Variants in PRMT3 observed in about 807,000 individuals in gnomAD.
PRMT3 encodes the protein protein arginine N-methyltransferase 3.
PRMT3 carries 62 observed loss-of-function variants against 71.9 expected under a neutral mutation model. The ratio of observed to expected loss-of-function variants is 0.86; its 90% CI spans 0.70 to 1.07. The LOEUF (loss-of-function observed/expected upper bound fraction) is 1.07. Ranked by LOEUF, PRMT3 falls within the 50% of genes least tolerant of loss-of-function variation. The pLI, the probability that PRMT3 is intolerant of heterozygous loss-of-function variation, is 0.00. For missense variants in PRMT3, 663 were observed against 643.0 expected (o/e 1.03, Z -0.34); for synonymous variants, 213 against 220.4 (o/e 0.97, Z 0.30).
At chr11:20,420,566 G>T (rs563422554) in intron 9 of PRMT3, among the ~76,000 whole-genome samples, 1 of 152,144 alleles carries the variant, frequency 6.6e-6, no homozygotes, top group Admixed American at 6.5e-5. Context: ...TGTGAACTGC[G>T]TATGCGAGGG....
intron 6 of PRMT3, among the ~76,000 whole-genome samples, chr11:20,396,563 G>A (rs760568606): frequency 2.2e-4 from 33 of 152,054 alleles, no homozygotes; most frequent in Non-Finnish European, 3.7e-4. Flanking sequence ...GCTTGAATCC[G>A]GGAAGGGGAG....
chr11:20,477,679 C>A (rs1384543196), intron 13 of PRMT3, among the ~76,000 whole-genome samples: 1 of 152,002 alleles, frequency 6.6e-6, no homozygotes, highest in Non-Finnish European at 1.5e-5. Flanking sequence ...TCTTGAGGTA[C>A]CTGAAACAAA....
rs116096093 is a variant in PRMT3 at position 20,493,321 on chromosome 11, T to C, written c.1348-598T>C. On this transcript the variant is annotated intron_variant, in intron 13 of 15. Coordinates refer to ENST00000331079, the MANE Select transcript of PRMT3 (RefSeq NM_005788.4). ...TATTCATAGTACTTAAAAACAGATATACTGGACTAGAAGAAATTAAATGAA... is the reference window on the plus strand; with the variant it reads ...TATTCATAGTACTTAAAAACAGATACACTGGACTAGAAGAAATTAAATGAA... 9.6e-3 allele frequency among the ~76,000 whole-genome samples: 1,456 copies of C among 152,304 alleles called. 31 individuals carry two copies. The highest frequency in any genetic ancestry group is 0.034 in the African/African-American group (1,405 of 41,568).
chr11:20,412,521 A>G (rs570492972), intron 9 of PRMT3, among the ~76,000 whole-genome samples: 91 of 152,100 alleles, frequency 6.0e-4, no homozygotes, highest in Non-Finnish European at 1.1e-3. Flanking sequence ...CCGCGTCTAC[A>G]TTTATCAATT....
chr11:20,498,217 A>T (rs147680133), intron 15 of PRMT3, among the ~76,000 whole-genome samples: 1 of 152,272 alleles, frequency 6.6e-6, no homozygotes, highest in Non-Finnish European at 1.5e-5. Flanking sequence ...TAGTCCTTGG[A>T]AGAAGCTGAG....
intron 13 of PRMT3, among the ~76,000 whole-genome samples, chr11:20,481,653 AAT>A (rs1850939856): frequency 6.6e-6 from 1 of 152,128 alleles, no homozygotes; most frequent in African/African-American, 2.4e-5. Flanking sequence ...TCCTCTGCAG[AAT>A]ATGAGTACTA....
chr11:20,397,605 A>C lies in PRMT3; in HGVS notation c.589A>C (p.Thr197Pro). The stretch of plus-strand genomic sequence containing the variant: ...ATTTGCTCAGGATTTTGTGATGCAC[A>C]CAGATGTCAGAACCTGCTCGTCATC... ...KQFAQDFVMH[T>P]DVRTCSSSTS... is the part of the protein sequence containing the mutation. Residue 197 changes from threonine to proline, a missense_variant, in exon 7 of 16, where the codon ACA (threonine) becomes CCA (proline). Thr to Pro is a conservative substitution (Grantham distance 38, BLOSUM62 -1). Coordinates refer to ENST00000331079, the MANE Select transcript of PRMT3 (RefSeq NM_005788.4). The C allele has an allele frequency of 6.2e-7, 1 of 1,614,154 alleles. No homozygotes were observed. The highest frequency in any genetic ancestry group is 1.1e-5 in the South Asian group (1 of 91,086).
chr11:20,491,974 T>C (rs1466131826), intron 13 of PRMT3, among the ~76,000 whole-genome samples: 1 of 152,220 alleles, frequency 6.6e-6, no homozygotes, highest in African/African-American at 2.4e-5. Context: ...GACTATGTAA[T>C]AAAGCTAGCC....
chr11:20,389,743 G>C lies in PRMT3; in HGVS notation c.165-1G>C. The stretch of plus-strand genomic sequence containing the variant: ...CATGAAGCTATTGCTTGATTTTTCA[G>C]GTTATTCACATCTGCTGAAGAAACA... On this transcript the variant is annotated splice_acceptor_variant, in intron 2 of 15. Transcript: ENST00000331079. LOFTEE classifies it high-confidence loss of function. 6.2e-7 allele frequency: 1 copy of C among 1,603,022 alleles called. No individual in the cohort carries two copies. Among genetic ancestry groups the C allele is most frequent in the Non-Finnish European group, 8.5e-7 (1 of 1,171,140 alleles).
intron 10 of PRMT3, among the ~76,000 whole-genome samples, chr11:20,433,480 C>A (rs1213133719): frequency 6.6e-6 from 1 of 152,082 alleles, no homozygotes; most frequent in African/African-American, 2.4e-5. Flanking sequence ...AGGTTGATTC[C>A]AATTCCGTAT....
In PRMT3 at chr11:20,436,889, A is replaced by G. The variant is rs544375735; in HGVS notation, c.993+10024A>G. Among the ~76,000 whole-genome samples, 14 of 152,282 alleles carry G rather than the reference A, an allele frequency of 9.2e-5. No individual in the cohort carries two copies. In the South Asian group the frequency reaches 2.3e-3, roughly 25 times the overall value. ...GTTCTTTAAGGGTTTGGTACAATTT[A>G]GCAGTGAAAGCATCGGGTCCTGAAT... On this transcript the variant is annotated intron_variant, in intron 10 of 15. Coordinates refer to ENST00000331079, the MANE Select transcript of PRMT3 (RefSeq NM_005788.4).
In PRMT3 at chr11:20,402,903, C is replaced by T; in HGVS notation, c.706-16C>T. 1.3e-6 allele frequency: 2 copies of T among 1,595,118 alleles called. No homozygotes were observed. Among genetic ancestry groups the T allele is most frequent in the Non-Finnish European group, 1.7e-6 (2 of 1,163,394 alleles). ...GACTGTCCTATAAACACAGCGTTTT[C>T]CTCTCTCCACCCTAGGACAAAATAC... On this transcript the variant is annotated splice_polypyrimidine_tract_variant and intron_variant, in intron 7 of 15. Transcript: ENST00000331079.
At chr11:20,407,843 A>G in intron 8 of PRMT3, 68 bp from the exon 9 acceptor site, 3 of 1,420,394 alleles carry the variant, frequency 2.1e-6, no homozygotes, top group Non-Finnish European at 2.9e-6. Flanking sequence ...TAATATATGA[A>G]TAGAATTTAA....
chr11:20,415,014 A>G (rs1046714977), intron 9 of PRMT3, among the ~76,000 whole-genome samples: 5 of 102,008 alleles, frequency 4.9e-5, no homozygotes, highest in Non-Finnish European at 9.6e-5. Flanking sequence ...TGGTGGTGGT[A>G]GTGGTGTGTG....
chr11:20,429,242 C>T (rs1320341997), intron 10 of PRMT3, among the ~76,000 whole-genome samples: 1 of 152,138 alleles, frequency 6.6e-6, no homozygotes, highest in African/African-American at 2.4e-5. Context: ...ATTAGATTCT[C>T]ATCAGGAGCA....
chr11:20,403,622 CCTCT>C (rs1159959616), intron 8 of PRMT3, among the ~76,000 whole-genome samples: 2 of 150,484 alleles, frequency 1.3e-5, no homozygotes, highest in Non-Finnish European at 3.0e-5. Context: ...TCTCTTTTTC[CCTCT>C]CTCTTTTCCT....
intron 9 of PRMT3, among the ~76,000 whole-genome samples, chr11:20,426,529 T>C (rs1849549882): frequency 6.6e-6 from 1 of 152,238 alleles, no homozygotes; most frequent in Non-Finnish European, 1.5e-5. Context: ...AATTTGGATT[T>C]CTTTTCAAAC....
rs779264620 is a variant in PRMT3, at chr11:20,388,133, C to A, written c.143C>A (p.Thr48Asn). 2 of 1,613,906 alleles carry A rather than the reference C, an allele frequency of 1.2e-6. No individual in the cohort carries two copies. Among genetic ancestry groups the A allele is most frequent in the South Asian group, 1.1e-5 (1 of 91,088 alleles). The change falls in exon 2 of 16, where the codon ACC becomes AAC. Residue 48 changes from threonine (T) to asparagine (N), a missense_variant. Thr to Asn is a moderately conservative substitution (Grantham distance 65, BLOSUM62 0). Transcript: ENST00000331079. ...GATCTCCCCCACGGCAAGCAGCAGACCCCCTGCCTGTTCTGTAACAGGTTC... is the reference window on the plus strand; with the variant it reads ...GATCTCCCCCACGGCAAGCAGCAGAACCCCTGCCTGTTCTGTAACAGGTTC... ...DADLPHGKQQ[T>N]PCLFCNRLFT...
At chr11:20,390,440 G>T (rs896071066) in intron 3 of PRMT3, among the ~76,000 whole-genome samples, 3 of 152,070 alleles carry the variant, frequency 2.0e-5, no homozygotes, top group African/African-American at 7.2e-5. Flanking sequence ...GTAGATGTAG[G>T]ACTTGAAAAA....
Sources: allele counts gnomAD v4.1 joint callset (sites outside exome capture counted in the v4.1 genomes callset), GRCh38; gene constraint gnomAD v4.1.1; transcripts MANE v1.5; gene names NCBI Gene and HGNC (gene_info 2026-07-23, HGNC 2026-07-21).